Variants in MKNK1 observed in about 807,000 individuals in gnomAD.
MKNK1 encodes MAP kinase-interacting serine/threonine-protein kinase 1.
Under a neutral mutation model 49.3 loss-of-function variants are expected in MKNK1, and 30 were observed. The observed-to-expected ratio is 0.61, with a 90% CI of 0.46 to 0.83. The LOEUF is 0.83. Among genes scored for constraint, MKNK1 ranks in the 40% least tolerant of loss-of-function variants. The pLI is 0.00. For synonymous variants in MKNK1, 176 were observed against 201.7 expected, an observed-to-expected ratio of 0.87 and a Z score of 1.08; for missense variants, 423 against 524.7, an observed-to-expected ratio of 0.81 and a Z score of 1.89.
At position 46,558,720 on chromosome 1, in the gene MKNK1, T is replaced by G; in HGVS notation, c.1094A>C (p.Asn365Thr). Residue 365 changes from asparagine to threonine, a missense_variant, in exon 13 of 13, where the codon AAC (asparagine) becomes ACC (threonine). Physicochemically the swap from Asn to Thr is moderately conservative, Grantham distance 65 (BLOSUM62 0). Coordinates refer to ENST00000371945, the MANE Select transcript of MKNK1 (RefSeq NM_001135553.4). The part of the protein sequence containing the change: ...LNRQLSQHEE[N>T]ELAEEPEALA... Reference sequence around the variant, plus strand: ...TGCCTCTGGCTCCTCTGCTAGTTCGTTCTCTTCGTGCTGAGATAGCTGGCG... The same window carrying G: ...TGCCTCTGGCTCCTCTGCTAGTTCGGTCTCTTCGTGCTGAGATAGCTGGCG... The G allele has an allele frequency of 4.3e-6, 7 of 1,614,278 alleles. No individual in the cohort carries two copies. The highest frequency in any genetic ancestry group is 5.9e-6 in the Non-Finnish European group (7 of 1,180,046).
chr1:46,590,093 G>T (rs980761801), intron 2 of MKNK1, among the ~76,000 whole-genome samples: 1 of 152,134 alleles, frequency 6.6e-6, no homozygotes, highest in African/African-American at 2.4e-5. Flanking sequence ...AAATAGTGGT[G>T]AGAGCAAGCA....
intron 6 of MKNK1, 115 bp from the exon 7 acceptor site, chr1:46,572,282 C>G: frequency 1.3e-6 from 1 of 767,260 alleles, no homozygotes; most frequent in Non-Finnish European, 2.1e-6. Context: ...GGCACGATCT[C>G]GGCTCACTGC....
intron 2 of MKNK1, among the ~76,000 whole-genome samples, chr1:46,587,557 C>T (rs1171534800): frequency 1.3e-5 from 2 of 152,194 alleles, no homozygotes; most frequent in African/African-American, 2.4e-5. Flanking sequence ...GTGGCTCACA[C>T]CTGTAATCCC....
At chr1:46,568,615 C>T (rs1279517660) in intron 7 of MKNK1, 117 bp from the exon 8 acceptor site, 8 of 1,002,872 alleles carry the variant, frequency 8.0e-6, no homozygotes, top group African/African-American at 6.5e-5. Flanking sequence ...AATTATGGTA[C>T]ATTAAAAAAT....
At chr1:46,586,140 G>A (rs1029956229) in intron 2 of MKNK1, 10 of 357,714 alleles carry the variant, frequency 2.8e-5, no homozygotes, top group Non-Finnish European at 5.0e-5. Flanking sequence ...CCACTAGCAG[G>A]TCTGTGGGGC....
At chr1:46,586,839 T>A (rs1395383285) in intron 2 of MKNK1, among the ~76,000 whole-genome samples, 1 of 152,118 alleles carries the variant, frequency 6.6e-6, no homozygotes, top group Non-Finnish European at 1.5e-5. Flanking sequence ...TGAGATGGAG[T>A]CTTGCTCTGT....
At chr1:46,564,076 G>GAAAAAAAAAAAAAAA (rs1668566829) in intron 9 of MKNK1, among the ~76,000 whole-genome samples, 1 of 119,652 alleles carries the variant, frequency 8.4e-6, no homozygotes, top group Non-Finnish European at 1.8e-5. Context: ...GGGTTATTAG[G>GAAAAAAAAAAAAAAA]AAAATTTACT....
rs909993552 is a variant in MKNK1 at position 46,591,158 on chromosome 1, C to A, written c.-3+2955G>T. Among the ~76,000 whole-genome samples the A allele has an allele frequency of 3.3e-5, 5 of 152,312 alleles. No homozygotes were observed. The South Asian group carries it at 1.0e-3, about 32-fold the overall frequency. ...AAACAGACACTAGTCAGATTTAACA[C>A]ATGATGGATGAAAGGAGCCACTTGT... is the stretch of plus-strand genomic sequence containing the variant. On this transcript the variant is annotated intron_variant, in intron 2 of 12. Coordinates refer to ENST00000371945, the MANE Select transcript of MKNK1 (RefSeq NM_001135553.4).
In MKNK1 at chr1:46,592,636, C is replaced by T. The variant is rs549446194; in HGVS notation, c.-3+1477G>A. Among the ~76,000 whole-genome samples, 4 of 152,140 alleles carry T rather than the reference C, an allele frequency of 2.6e-5. No homozygotes were observed. The South Asian group carries it at 8.3e-4, about 32-fold the overall frequency. On this transcript the variant is annotated intron_variant, in intron 2 of 12. Coordinates refer to ENST00000371945, the MANE Select transcript of MKNK1 (RefSeq NM_001135553.4). ...AGGCCTACAACAGAGACAGGGAGAG[C>T]AGGGAGAGCAAGGAAGAGGAGGTGA...
chr1:46,579,817 A>G lies in MKNK1; in HGVS notation c.198+713T>C, dbSNP rs60666397. On this transcript the variant is annotated intron_variant, in intron 4 of 12. Transcript: ENST00000371945. ...GCCTTACAGCTAATTAAAGGCAGCAATGAGGCCAGAAGCCACTTCTCCTGC... is the reference window on the plus strand; with the variant it reads ...GCCTTACAGCTAATTAAAGGCAGCAGTGAGGCCAGAAGCCACTTCTCCTGC... 7.2e-3 allele frequency among the ~76,000 whole-genome samples: 1,092 copies of G among 152,316 alleles called. 12 individuals are homozygous for G. The highest frequency in any genetic ancestry group is 0.024 in the African/African-American group (990 of 41,572).
Position 46,576,646 on chromosome 1 carries a change from C to T in MKNK1, c.207G>A (p.Glu69=). Reference sequence around the variant, plus strand: ...TACTCCGACTGTGCCCTGCTTGTTTCTCGATGATCTGTGGGAAGAATAAAA... The same window carrying T: ...TACTCCGACTGTGCCCTGCTTGTTTTTCGATGATCTGTGGGAAGAATAAAA... The part of the protein sequence containing the change: ...NGKEYAVKII[E]KQAGHSRSRV... The change falls in exon 5 of 13, where the codon GAG becomes GAA. Residue 69 remains glutamate (E), a synonymous_variant. Transcript: ENST00000371945. 6.2e-7 allele frequency: 1 copy of T among 1,614,142 alleles called. No homozygotes were observed.
chr1:46,560,151 G>C, intron 12 of MKNK1, 83 bp downstream of exon 12: 1 of 1,505,828 alleles, frequency 6.6e-7, no homozygotes, highest in South Asian at 1.1e-5. Context: ...CCTGAGCCTA[G>C]AGATGGGCTC....
chr1:46,572,879 C>G (rs1670407407), intron 6 of MKNK1, among the ~76,000 whole-genome samples: 2 of 152,142 alleles, frequency 1.3e-5, no homozygotes, highest in African/African-American at 4.8e-5. Context: ...AGAGCACAAA[C>G]TTTCAAATGG....
chr1:46,591,605 C>T (rs1165563340), intron 2 of MKNK1, among the ~76,000 whole-genome samples: 1 of 151,982 alleles, frequency 6.6e-6, no homozygotes, highest in Non-Finnish European at 1.5e-5. Flanking sequence ...AGAAAGCTGA[C>T]AAAGGTGGGC....
chr1:46,582,085 T>C (rs572101743), intron 3 of MKNK1, among the ~76,000 whole-genome samples: 1 of 152,148 alleles, frequency 6.6e-6, no homozygotes, highest in East Asian at 1.9e-4. Flanking sequence ...TCCTTAAAAA[T>C]AGGAAGTACT....
At chr1:46,582,704 G>A (rs917898836) in intron 3 of MKNK1, 43 of 362,404 alleles carry the variant, frequency 1.2e-4, no homozygotes, top group Admixed American at 1.1e-4. Context: ...GTCAAAAAAT[G>A]TCTGATGACC....
At position 46,589,860 on chromosome 1, in the gene MKNK1, T is replaced by C. The variant is rs751709128; in HGVS notation, c.-3+4253A>G. Among the ~76,000 whole-genome samples, 13 of 152,162 alleles carry C rather than the reference T, an allele frequency of 8.5e-5. No individual in the cohort carries two copies. Among genetic ancestry groups the C allele is most frequent in the Non-Finnish European group, 1.5e-4 (10 of 68,012 alleles). Reference sequence around the variant, plus strand: ...CCACATTGTCCCCAAAGGAACCAGATCTGTACTCCAAATTTTGAAGAGCCT... The same window carrying C: ...CCACATTGTCCCCAAAGGAACCAGACCTGTACTCCAAATTTTGAAGAGCCT... On this transcript the variant is annotated intron_variant, in intron 2 of 12. Transcript: ENST00000371945. This position sits in a 1 kb window ranked among gnomAD's most constrained non-coding sequence, Gnocchi z 4.3.
At chr1:46,586,032 C>T (rs1450979710) in intron 2 of MKNK1, 1 of 832,286 alleles carries the variant, frequency 1.2e-6, no homozygotes, top group African/African-American at 1.7e-5. Context: ...CTTAGCTTCC[C>T]TGGTTACACA....
chr1:46,562,747 C>G lies in MKNK1; in HGVS notation c.706G>C (p.Val236Leu). The change falls in exon 10 of 13, where the codon GTG becomes CTG. Residue 236 changes from valine (V) to leucine (L), a missense_variant. Transcript: ENST00000371945. Reference sequence around the variant, plus strand: ...CCACTCAGCATGATGTAGAGGACCACGCCCAGGCTCCACAGGTCACAGCGC... The same window carrying G: ...CCACTCAGCATGATGTAGAGGACCAGGCCCAGGCTCCACAGGTCACAGCGC... ...DKRCDLWSLGVVLYIMLSGYP... is the reference protein window; with the variant it reads ...DKRCDLWSLGLVLYIMLSGYP... 6.2e-7 allele frequency: 1 copy of G among 1,606,486 alleles called. No individual in the cohort carries two copies. Among genetic ancestry groups the G allele is most frequent in the Non-Finnish European group, 8.5e-7 (1 of 1,176,084 alleles).
Sources: gnomAD v4.1 joint callset for allele counts (sites outside exome capture counted in the v4.1 genomes callset) on GRCh38, gnomAD v4.1.1 for gene constraint, Gnocchi (gnomAD v3.1) non-coding constraint, MANE v1.5 for transcripts, NCBI Gene and HGNC (gene_info 2026-07-23, HGNC 2026-07-21) for gene names.